NOSIP: variants seen among roughly 807,000 people sequenced by gnomAD.
The protein encoded by NOSIP is nitric oxide synthase-interacting protein.
In NOSIP, 25 loss-of-function variants were observed where a neutral mutation model predicts 36.4. That is an observed-to-expected ratio of 0.69 (90% CI 0.50 to 0.96). NOSIP has a LOEUF of 0.96. Among genes scored for constraint, NOSIP ranks in the 40% least tolerant of loss-of-function variants. The probability of loss-of-function intolerance (pLI) is 0.00; values close to 1 mark genes in which losing one functional copy is unlikely to be tolerated. For synonymous variants in NOSIP, 187 were observed against 179.2 expected (o/e 1.04, Z -0.35); for missense variants, 370 against 429.0 (o/e 0.86, Z 1.21).
chr19:49,576,138 A>T (rs1411751298), intron 1 of NOSIP, among the ~76,000 whole-genome samples: 1 of 123,576 alleles, frequency 8.1e-6, no homozygotes, highest in Admixed American at 8.7e-5. Flanking sequence ...CCATCTTATA[A>T]AAAAAAAATG....
chr19:49,562,658 G>A (rs117317756), intron 1 of NOSIP, among the ~76,000 whole-genome samples: 9,200 of 152,090 alleles, frequency 0.06, 282 homozygotes, highest in South Asian at 0.12. Flanking sequence ...AGGCGGGGGC[G>A]GATCACGAGA....
At chr19:49,567,420 C>A (rs1042361031) in intron 1 of NOSIP, among the ~76,000 whole-genome samples, 50 of 152,094 alleles carry the variant, frequency 3.3e-4, no homozygotes, top group Non-Finnish European at 1.3e-4. Context: ...CGTGCCCGGC[C>A]CCAAAAATTT....
chr19:49,557,413 C>T lies in NOSIP; in HGVS notation c.259-164G>A, dbSNP rs534479255. The T allele has an allele frequency of 4.6e-4, 661 of 1,430,976 alleles. 2 individuals carry two copies. The East Asian group carries it at 4.8e-3, about 10-fold the overall frequency. 88.6% of individuals were successfully genotyped at this position (1,430,976 alleles called of 1,614,324 possible). On this transcript the variant is annotated intron_variant, in intron 4 of 8. Coordinates refer to ENST00000596358, the MANE Select transcript of NOSIP (RefSeq NM_001270960.2). ...CCCTGGGTGGGTGTGAACCTTACTG[C>T]GTTGTATAGCCAGACTGCCAGGGCT...
At position 49,555,683 on chromosome 19, in the gene NOSIP, C is replaced by G; in HGVS notation, c.*68G>C. On this transcript the variant is annotated 3_prime_UTR_variant, in exon 9 of 9. Coordinates refer to ENST00000596358, the MANE Select transcript of NOSIP (RefSeq NM_001270960.2). ...CTCGCCTGCCCTGTCCCCGGGGCGC[C>G]CACGCCGCGAATGAAGGCGCCACGT... is the stretch of plus-strand genomic sequence containing the variant. 1.4e-6 allele frequency: 2 copies of G among 1,383,454 alleles called. No homozygotes were observed. Among genetic ancestry groups the G allele is most frequent in the Non-Finnish European group, 2.1e-6 (2 of 975,118 alleles). 85.7% of individuals were successfully genotyped at this position (1,383,454 alleles called of 1,614,324 possible).
At chr19:49,569,084 A>G (rs559725758) in intron 1 of NOSIP, among the ~76,000 whole-genome samples, 1 of 151,408 alleles carries the variant, frequency 6.6e-6, no homozygotes, top group Non-Finnish European at 1.5e-5. Flanking sequence ...TACAGGTGTG[A>G]GCCCACTGCG....
In NOSIP at chr19:49,557,144, C is replaced by G. The variant is rs201976944; in HGVS notation, c.364G>C (p.Val122Leu). 3.7e-6 allele frequency: 6 copies of G among 1,612,310 alleles called. No homozygotes were observed. In the East Asian group the frequency reaches 8.9e-5, roughly 24 times the overall value. Reference sequence around the variant, plus strand: ...GTGAAAGGGTTGAGGGGCCGGCTCACGATAGCCGACTCCTTCTCCAGGAAG... The same window carrying G: ...GTGAAAGGGTTGAGGGGCCGGCTCAGGATAGCCGACTCCTTCTCCAGGAAG... Reference protein sequence around the residue: ...RGFLEKESAIVSRPLNPFTAK... With the variant: ...RGFLEKESAILSRPLNPFTAK... Residue 122 changes from valine to leucine, a missense_variant, in exon 5 of 9, where the codon GTG (valine) becomes CTG (leucine). Around this residue, in one of 3 missense-constraint regions of NOSIP, gnomAD observed 315 missense variants for 331.9 expected, o/e 0.95. Transcript: ENST00000596358.
Position 49,559,663 on chromosome 19 carries a change from G to A in NOSIP, c.176+271C>T, listed in dbSNP as rs532516099. ...TACCATCAGAGGTAGGTCATGGGAA[G>A]TGTCCAAAGGTGAGCTGCTCCGATG... On this transcript the variant is annotated intron_variant, in intron 3 of 8. Coordinates refer to ENST00000596358, the MANE Select transcript of NOSIP (RefSeq NM_001270960.2). The A allele has an allele frequency of 4.4e-5, 21 of 472,956 alleles. No homozygotes were observed. In the East Asian group the frequency reaches 8.3e-4, roughly 19 times the overall value. The allele number at this position is 472,956 out of a possible 1,614,324, so 29.3% of individuals were successfully genotyped here.
chr19:49,558,152 T>C, intron 4 of NOSIP: 1 of 159,154 alleles, frequency 6.3e-6, no homozygotes, highest in East Asian at 1.6e-4. Flanking sequence ...CCAGGTGCCC[T>C]GCTGTGTCCT....
rs2080315759 is a variant in NOSIP, at chr19:49,560,374, G to A, written c.70+248C>T. The stretch of plus-strand genomic sequence containing the variant: ...CTCAGTTTCTTCCTCTGGAACATGG[G>A]GTAACAAGAGCACCCTCCCTGACAC... On this transcript the variant is annotated intron_variant, in intron 2 of 8. Transcript: ENST00000596358. The surrounding 1 kb of genome is among the most constrained non-coding windows in gnomAD (Gnocchi z 4.6). The A allele has an allele frequency of 1.7e-6, 1 of 582,952 alleles. No homozygotes were observed. The highest frequency in any genetic ancestry group is 1.9e-5 in the African/African-American group (1 of 53,622). 36.1% of individuals were successfully genotyped at this position (582,952 alleles called of 1,614,324 possible).
At position 49,560,650 on chromosome 19, in the gene NOSIP, G is replaced by A; in HGVS notation, c.42C>T (p.Tyr14=). 1.3e-6 allele frequency: 2 copies of A among 1,597,098 alleles called. No individual in the cohort carries two copies. The highest frequency in any genetic ancestry group is 1.7e-6 in the Non-Finnish European group (2 of 1,171,428). Residue 14 remains tyrosine, a synonymous_variant, in exon 2 of 9, where the codon TAC becomes TAT. Transcript: ENST00000596358. The surrounding 1 kb of genome is among the most constrained non-coding windows in gnomAD (Gnocchi z 4.6). ...HGKNCTAGAV[Y]TYHEKKKDTA... ...TGTCCTTCTTCTTCTCGTGGTAGGT[G>A]TAGACGGCCCCTGCGGTGCAGTTCT...
chr19:49,575,661 C>T (rs2080542376), intron 1 of NOSIP, among the ~76,000 whole-genome samples: 1 of 152,070 alleles, frequency 6.6e-6, no homozygotes, highest in South Asian at 2.1e-4. Flanking sequence ...CTTTGCAGGC[C>T]AAACAGCCCC....
intron 1 of NOSIP, among the ~76,000 whole-genome samples, chr19:49,566,457 C>T (rs1203478366): frequency 1.3e-5 from 2 of 151,946 alleles, no homozygotes; most frequent in East Asian, 3.9e-4. Flanking sequence ...TACAGGCATG[C>T]ACCACCATGC....
At chr19:49,558,999 GAGAA>G (rs761989429) in intron 3 of NOSIP, 21 bp from the exon 4 acceptor site, 67 of 1,602,138 alleles carry the variant, frequency 4.2e-5, no homozygotes, top group Admixed American at 2.8e-4. Flanking sequence ...AGGGTGCAAT[GAGAA>G]AGAAAGAAAG....
chr19:49,571,137 ATTT>A (rs60637720), intron 1 of NOSIP, among the ~76,000 whole-genome samples: 7 of 131,356 alleles, frequency 5.3e-5, no homozygotes, highest in African/African-American at 2.0e-4. Flanking sequence ...CGCCCAGCTA[ATTT>A]TTTTTTTTTT....
chr19:49,558,843 C>T (rs2080291842), intron 4 of NOSIP, 54 bp downstream of exon 4: 2 of 1,437,258 alleles, frequency 1.4e-6, no homozygotes, highest in Admixed American at 1.7e-5. Context: ...TGCCTGTGAG[C>T]TCAGACTCAA....
intron 1 of NOSIP, among the ~76,000 whole-genome samples, chr19:49,561,866 C>T (rs1303391876): frequency 1.3e-5 from 2 of 148,448 alleles, no homozygotes; most frequent in African/African-American, 2.5e-5. Flanking sequence ...CTAGACAGAG[C>T]AAGGCTCTGT....
chr19:49,564,087 A>G (rs777923016), intron 1 of NOSIP, among the ~76,000 whole-genome samples: 5 of 152,188 alleles, frequency 3.3e-5, no homozygotes, highest in Admixed American at 3.3e-4. Flanking sequence ...GTGACACTGC[A>G]ACACTAAATT....
At chr19:49,556,174 G>GGGGT in intron 8 of NOSIP, 143 bp downstream of exon 8, 1 of 404,824 alleles carries the variant, frequency 2.5e-6, no homozygotes, top group Admixed American at 4.4e-5. Context: ...AGAAAGCGGG[G>GGGGT]GGGGGGGGCG....
At chr19:49,565,769 A>AG (rs1555734900) in intron 1 of NOSIP, among the ~76,000 whole-genome samples, 5 of 139,992 alleles carry the variant, frequency 3.6e-5, no homozygotes, top group Non-Finnish European at 5.9e-5. Context: ...AAAGAAAAAA[A>AG]AAAGAAAGAA....
Sources: allele counts gnomAD v4.1 joint callset (sites outside exome capture counted in the v4.1 genomes callset), GRCh38; gene constraint gnomAD v4.1.1; regional missense constraint gnomAD v4.1.1; non-coding constraint Gnocchi (gnomAD v3.1); transcripts MANE v1.5; gene names NCBI Gene and HGNC (gene_info 2026-07-23, HGNC 2026-07-21).